PHC3: variants seen among roughly 807,000 people sequenced by gnomAD.
PHC3 encodes polyhomeotic homolog 3.
Under a neutral mutation model 107.4 loss-of-function variants are expected in PHC3, and 13 were observed. The ratio of observed to expected loss-of-function variants is 0.12; its 90% confidence interval spans 0.08 to 0.19. PHC3 has a LOEUF of 0.19. Among genes scored for constraint, PHC3 ranks in the 10% least tolerant of loss-of-function variants. The pLI, the probability that PHC3 is intolerant of heterozygous loss-of-function variation, is 1.00. For missense variants in PHC3, 992 were observed against 1,210.9 expected (o/e 0.82, Z 2.68); for synonymous variants, 456 against 427.4 (o/e 1.07, Z -0.83).
At chr3:170,111,494 G>C (rs1255558990) in intron 11 of PHC3, among the ~76,000 whole-genome samples, 1 of 152,098 alleles carries the variant, frequency 6.6e-6, no homozygotes, top group Admixed American at 6.5e-5. Flanking sequence ...TGGGGGTTAG[G>C]AATGGAGGAA....
At chr3:170,115,916 C>T (rs1188395272) in intron 10 of PHC3, among the ~76,000 whole-genome samples, 1 of 139,610 alleles carries the variant, frequency 7.2e-6, no homozygotes, top group Admixed American at 7.4e-5. Context: ...AAATTGAACA[C>T]AAAAACAACT....
chr3:170,118,243 GATTT>G (rs991992377), intron 9 of PHC3, among the ~76,000 whole-genome samples: 2 of 152,076 alleles, frequency 1.3e-5, no homozygotes, highest in African/African-American at 4.8e-5. Context: ...AGAACAAGTA[GATTT>G]ATTTATTTAT....
At chr3:170,132,918 A>C (rs1722484343) in intron 7 of PHC3, among the ~76,000 whole-genome samples, 1 of 152,228 alleles carries the variant, frequency 6.6e-6, no homozygotes, top group African/African-American at 2.4e-5. Flanking sequence ...GTTTGACCTT[A>C]TTTTACATAT....
chr3:170,138,773 C>T (rs1723569407), intron 6 of PHC3, among the ~76,000 whole-genome samples: 1 of 151,916 alleles, frequency 6.6e-6, no homozygotes, highest in Non-Finnish European at 1.5e-5. Flanking sequence ...CCTCCACAAC[C>T]TAGGCCAAAA....
intron 4 of PHC3, among the ~76,000 whole-genome samples, chr3:170,150,107 T>C: frequency 6.6e-6 from 1 of 152,122 alleles, no homozygotes; most frequent in East Asian, 1.9e-4. Flanking sequence ...TATGTGTCAG[T>C]TAAAAATTAA....
intron 4 of PHC3, among the ~76,000 whole-genome samples, chr3:170,159,109 G>A (rs1449197920): frequency 6.6e-6 from 1 of 151,786 alleles, no homozygotes; most frequent in African/African-American, 2.4e-5. Flanking sequence ...AAATTAGCAG[G>A]GCGTGGTGGC....
At chr3:170,106,161 G>A (rs984150936) in intron 12 of PHC3, among the ~76,000 whole-genome samples, 9 of 152,140 alleles carry the variant, frequency 5.9e-5, no homozygotes, top group Admixed American at 2.0e-4. Context: ...GCAGTGAGCC[G>A]AGACGGCACC....
chr3:170,116,336 G>A (rs778201856), intron 10 of PHC3, among the ~76,000 whole-genome samples: 12 of 152,040 alleles, frequency 7.9e-5, no homozygotes, highest in Admixed American at 1.3e-4. Context: ...AGGCTGAGGC[G>A]GTAGATCACT....
intron 10 of PHC3, among the ~76,000 whole-genome samples, chr3:170,115,605 T>C (rs1365308193): frequency 6.6e-6 from 1 of 152,158 alleles, no homozygotes; most frequent in Admixed American, 6.5e-5. Context: ...TTTTATAATG[T>C]GAAAATAAAA....
chr3:170,148,927 T>C (rs901977231), intron 5 of PHC3, 159 bp downstream of exon 5: 2 of 595,316 alleles, frequency 3.4e-6, no homozygotes, highest in Admixed American at 3.0e-5. Context: ...GAATCTTTCA[T>C]GACATAAATG....
intron 11 of PHC3, among the ~76,000 whole-genome samples, chr3:170,111,259 GAAGAAGGAAGGAAGGA>G (rs1423160603): frequency 8.3e-6 from 1 of 119,812 alleles, no homozygotes; most frequent in African/African-American, 3.0e-5. Flanking sequence ...TTTAAAACAA[GAAGAAGGAAGGAAGGA>G]AGGAAGGAAG....
chr3:170,116,822 A>C (rs1312796884), intron 10 of PHC3, among the ~76,000 whole-genome samples: 1 of 151,926 alleles, frequency 6.6e-6, no homozygotes, highest in Non-Finnish European at 1.5e-5. Flanking sequence ...GAGGTAGAAG[A>C]ATCAACTGAG....
In PHC3 at chr3:170,096,748, G is replaced by GTA. The variant is rs1714686170; in HGVS notation, c.*480_*481dup. 6.6e-6 allele frequency: 1 copy of GTA among 152,382 alleles called. No homozygotes were observed. Among genetic ancestry groups the GTA allele is most frequent in the South Asian group, 2.1e-4 (1 of 4,836 alleles). 9.4% of individuals were successfully genotyped at this position (152,382 alleles called of 1,614,324 possible). On this transcript the variant is annotated 3_prime_UTR_variant, in exon 15 of 15. Transcript: ENST00000495893. ...GTCTAAAAGACATGTTTTTTAAAAT[G>GTA]TACACTGATTTCATACGATTCTGTC...
intron 6 of PHC3, among the ~76,000 whole-genome samples, chr3:170,141,769 G>A (rs1240857227): frequency 1.3e-5 from 2 of 151,738 alleles, no homozygotes; most frequent in African/African-American, 4.8e-5. Context: ...GCACCACCAC[G>A]CCCTGCAAAT....
chr3:170,104,580 T>C (rs372751081), intron 12 of PHC3, among the ~76,000 whole-genome samples: 1 of 152,088 alleles, frequency 6.6e-6, no homozygotes, highest in South Asian at 2.1e-4. Flanking sequence ...CCCTTCAAAA[T>C]TCCTTTGCTC....
At chr3:170,116,427 C>T (rs950397645) in intron 10 of PHC3, among the ~76,000 whole-genome samples, 1 of 151,862 alleles carries the variant, frequency 6.6e-6, no homozygotes, top group Non-Finnish European at 1.5e-5. Flanking sequence ...ATTGGTCAGG[C>T]GTGGTGGTGC....
At chr3:170,127,896 G>A (rs1010743629) in intron 8 of PHC3, among the ~76,000 whole-genome samples, 1 of 152,052 alleles carries the variant, frequency 6.6e-6, no homozygotes, top group African/African-American at 2.4e-5. Context: ...GGCAACAATT[G>A]TTTTTAGAGG....
chr3:170,150,481 G>A (rs1304051697), intron 4 of PHC3: 2 of 149,050 alleles, frequency 1.3e-5, no homozygotes, highest in Admixed American at 7.3e-5. Flanking sequence ...GGATCACAAG[G>A]TCAGGAGATC....
intron 9 of PHC3, among the ~76,000 whole-genome samples, chr3:170,120,489 C>T (rs1026009944): frequency 1.3e-5 from 2 of 151,966 alleles, no homozygotes; most frequent in African/African-American, 4.8e-5. Context: ...AGGAGAATCA[C>T]TTGAACCCAG....
Sources: allele counts gnomAD v4.1 joint callset (sites outside exome capture counted in the v4.1 genomes callset), GRCh38; gene constraint gnomAD v4.1.1; transcripts MANE v1.5; gene names NCBI Gene and HGNC (gene_info 2026-07-23, HGNC 2026-07-21).